The following CADM2 variants were observed in gnomAD, a reference collection of about 807,000 sequenced individuals.
CADM2 encodes cell adhesion molecule 2.
Under a neutral mutation model 49.8 loss-of-function variants are expected in CADM2, and 12 were observed. That is an observed-to-expected ratio of 0.24 (90% CI 0.15 to 0.39). The LOEUF (loss-of-function observed/expected upper bound fraction) is 0.39. Ranked by LOEUF, CADM2 falls within the 10% of genes least tolerant of loss-of-function variation. CADM2 has a pLI of 1.00. For missense variants in CADM2, 378 were observed against 492.3 expected (o/e 0.77, Z 2.20); for synonymous variants, 214 against 175.4 (o/e 1.22, Z -1.74).
At chr3:85,005,423 G>A (rs2033671177) in intron 1 of CADM2, among the ~76,000 whole-genome samples, 2 of 152,156 alleles carry the variant, frequency 1.3e-5, no homozygotes, top group South Asian at 4.1e-4. Flanking sequence ...TCAGTGGACA[G>A]AGTGGACCTT....
At chr3:85,942,631 A>G (rs1188760078) in intron 7 of CADM2, among the ~76,000 whole-genome samples, 1 of 151,544 alleles carries the variant, frequency 6.6e-6, no homozygotes, top group Non-Finnish European at 1.5e-5. Flanking sequence ...GATGATTTCC[A>G]GTTTCATCCA....
At chr3:85,295,301 G>A (rs527508856) in intron 1 of CADM2, among the ~76,000 whole-genome samples, 5 of 152,026 alleles carry the variant, frequency 3.3e-5, no homozygotes, top group African/African-American at 9.6e-5. Flanking sequence ...ACAGGTGCTG[G>A]AGAGGATGTG....
chr3:86,037,847 T>C (rs1735355247), intron 8 of CADM2, among the ~76,000 whole-genome samples: 1 of 152,188 alleles, frequency 6.6e-6, no homozygotes, highest in Non-Finnish European at 1.5e-5. Context: ...TTTATTTTAC[T>C]CTAAGTTCCA....
At chr3:85,348,016 C>A (rs771759587) in intron 1 of CADM2, among the ~76,000 whole-genome samples, 1 of 152,098 alleles carries the variant, frequency 6.6e-6, no homozygotes, top group Non-Finnish European at 1.5e-5. Flanking sequence ...GCCATGATAA[C>A]CAAGCTGGCC....
chr3:85,488,874 G>A (rs2039544315), intron 1 of CADM2, among the ~76,000 whole-genome samples: 1 of 152,064 alleles, frequency 6.6e-6, no homozygotes, highest in African/African-American at 2.4e-5. Context: ...TGAGGACTGA[G>A]GCTATGCTTG....
chr3:85,766,809 C>T (rs937395108), intron 2 of CADM2, among the ~76,000 whole-genome samples: 29 of 152,070 alleles, frequency 1.9e-4, no homozygotes, highest in African/African-American at 7.0e-4. Flanking sequence ...GTAAATCAGG[C>T]CATGCTAGCA....
At chr3:85,713,341 G>T (rs192832640) in intron 1 of CADM2, among the ~76,000 whole-genome samples, 3 of 152,176 alleles carry the variant, frequency 2.0e-5, no homozygotes, top group East Asian at 1.9e-4. Context: ...TACAGACGGG[G>T]TTTCGTCATG....
At chr3:85,218,552 C>G (rs9855858) in intron 1 of CADM2, among the ~76,000 whole-genome samples, 30 of 152,250 alleles carry the variant, frequency 2.0e-4, no homozygotes, top group African/African-American at 6.3e-4. Flanking sequence ...AATCCCAGCA[C>G]TTTTGGAGCC....
At chr3:85,014,686 C>A (rs1423612536) in intron 1 of CADM2, among the ~76,000 whole-genome samples, 2 of 152,160 alleles carry the variant, frequency 1.3e-5, no homozygotes, top group African/African-American at 4.8e-5. Flanking sequence ...AGGCTATAGT[C>A]ATCTCAAAGC....
intron 1 of CADM2, among the ~76,000 whole-genome samples, chr3:85,381,063 A>T (rs1437364836): frequency 6.6e-6 from 1 of 152,068 alleles, no homozygotes; most frequent in African/African-American, 2.4e-5. Flanking sequence ...AGTATTTACT[A>T]ATAACCACTT....
chr3:85,918,813 A>G (rs988987267), intron 6 of CADM2, among the ~76,000 whole-genome samples: 6 of 152,130 alleles, frequency 3.9e-5, no homozygotes, highest in African/African-American at 1.2e-4. Context: ...TTGTCCTCCC[A>G]TTTTTGCACA....
At chr3:85,632,258 G>A (rs1002965766) in intron 1 of CADM2, among the ~76,000 whole-genome samples, 9 of 152,080 alleles carry the variant, frequency 5.9e-5, no homozygotes, top group African/African-American at 1.9e-4. Flanking sequence ...CATAAGATGT[G>A]ACTTGCTCCT....
At chr3:85,659,723 T>C (rs2065340293) in intron 1 of CADM2, among the ~76,000 whole-genome samples, 1 of 152,162 alleles carries the variant, frequency 6.6e-6, no homozygotes, top group Non-Finnish European at 1.5e-5. Flanking sequence ...AATGCACATA[T>C]GTGTTACCCA....
chr3:84,991,246 G>A (rs1334220230), intron 1 of CADM2, among the ~76,000 whole-genome samples: 1 of 147,506 alleles, frequency 6.8e-6, no homozygotes, highest in Non-Finnish European at 1.5e-5. Context: ...GAATTGTACT[G>A]GAAAATTCAT....
chr3:84,965,084 C>T (rs1340087829), intron 1 of CADM2, among the ~76,000 whole-genome samples: 1 of 152,066 alleles, frequency 6.6e-6, no homozygotes, highest in East Asian at 1.9e-4. Context: ...AGATCATAAA[C>T]TAATTTCATA....
intron 3 of CADM2, among the ~76,000 whole-genome samples, chr3:85,881,860 AATC>A (rs1424260197): frequency 1.3e-5 from 2 of 152,116 alleles, no homozygotes; most frequent in Admixed American, 1.3e-4. Context: ...TTTGATCTCA[AATC>A]ATCCGGCATT....
chr3:85,329,392 GACACAC>G (rs145193562), intron 1 of CADM2, among the ~76,000 whole-genome samples: 4,249 of 146,242 alleles, frequency 0.029, 74 homozygotes, highest in South Asian at 0.049. Flanking sequence ...CACACACACA[GACACAC>G]ACACACACAC....
chr3:85,597,365 CTAGA>C (rs1384741298), intron 1 of CADM2, among the ~76,000 whole-genome samples: 4 of 152,008 alleles, frequency 2.6e-5, no homozygotes, highest in Non-Finnish European at 4.4e-5. Context: ...ATGTGCTTGT[CTAGA>C]TAGATTCATA....
chr3:86,012,926 G>C (rs1470045861), intron 8 of CADM2: 4 of 633,052 alleles, frequency 6.3e-6, no homozygotes, highest in Non-Finnish European at 1.2e-5. Context: ...AGTGAGCCGA[G>C]ATCGCGCCAC....
Sources: allele counts gnomAD v4.1 joint callset (sites outside exome capture counted in the v4.1 genomes callset), GRCh38; gene constraint gnomAD v4.1.1; transcripts MANE v1.5; gene names NCBI Gene and HGNC (gene_info 2026-07-23, HGNC 2026-07-21).